Variants in HYDIN observed in about 807,000 individuals in gnomAD.
The protein encoded by HYDIN is HYDIN axonemal central pair apparatus protein, also known as axonemal central pair apparatus protein HYDIN.
HYDIN carries 132 observed loss-of-function variants against 403.9 expected under a neutral mutation model. The observed-to-expected ratio is 0.33, with a 90% confidence interval of 0.28 to 0.38. The LOEUF (loss-of-function observed/expected upper bound fraction) is 0.38. Ranked by LOEUF, HYDIN falls within the 10% of genes least tolerant of loss-of-function variation. HYDIN has a pLI of 1.00. For synonymous variants in HYDIN, 1,202 were observed against 1,891.7 expected (o/e 0.64, Z 9.46); for missense variants, 2,827 against 5,009.5 (o/e 0.56, Z 13.15).
At chr16:71,066,969 T>A (rs550440097) in intron 15 of HYDIN, 9 of 686,732 alleles carry the variant, frequency 1.3e-5, no homozygotes, top group Admixed American at 2.0e-5. Context: ...TGAGCAGCTC[T>A]TCACCTCTTC....
At chr16:70,892,717 A>G (rs1173887514) in intron 55 of HYDIN, among the ~76,000 whole-genome samples, 188 bp from the exon 56 acceptor site, 1 of 152,000 alleles carries the variant, frequency 6.6e-6, no homozygotes, top group African/African-American at 2.4e-5. Flanking sequence ...CAGGCTAGGA[A>G]TTGATGCTTA....
At chr16:71,040,813 T>C (rs2081263346) in intron 18 of HYDIN, among the ~76,000 whole-genome samples, 1 of 112,962 alleles carries the variant, frequency 8.9e-6, no homozygotes, top group Non-Finnish European at 1.9e-5. Context: ...CTTTCCCAAG[T>C]GTCCCAAGTG....
At chr16:70,997,223 C>T (rs1203557948) in intron 23 of HYDIN, among the ~76,000 whole-genome samples, 1 of 137,534 alleles carries the variant, frequency 7.3e-6, no homozygotes, top group Non-Finnish European at 1.6e-5. Context: ...ACAGATGAAG[C>T]TTCGCTTGCT....
chr16:70,822,485 A>T (rs1035410034), intron 83 of HYDIN, among the ~76,000 whole-genome samples: 2 of 152,206 alleles, frequency 1.3e-5, no homozygotes, highest in Non-Finnish European at 2.9e-5. Context: ...ACAACAAAGG[A>T]TTTAGAATAT....
rs779745251 is a variant in HYDIN, at chr16:70,938,727, T to C, written c.6882A>G (p.Lys2294=). The change falls in exon 44 of 86, where the codon AAA becomes AAG. Residue 2294 remains lysine (K), a synonymous_variant. Coordinates refer to ENST00000393567, the MANE Select transcript of HYDIN (RefSeq NM_001270974.2). ...CCATGTTTTGGAGACGCTCCTTCTC[T>C]TTCTCAAGAGCTCCCTTGTGCTTGC... ...EERKHKGALE[K]EKERLQNMDE... 6 of 1,614,056 alleles carry C rather than the reference T, an allele frequency of 3.7e-6. No homozygotes were observed. In the South Asian group the frequency reaches 5.5e-5, roughly 15 times the overall value.
At chr16:71,085,884 C>T (rs937871908) in intron 12 of HYDIN, among the ~76,000 whole-genome samples, 46 of 151,986 alleles carry the variant, frequency 3.0e-4, no homozygotes, top group Non-Finnish European at 5.9e-4. Context: ...CATATAGATA[C>T]AAGATAGATA....
intron 11 of HYDIN, among the ~76,000 whole-genome samples, chr16:71,089,603 G>A (rs1370765248): frequency 6.6e-6 from 1 of 152,198 alleles, no homozygotes; most frequent in Non-Finnish European, 1.5e-5. Flanking sequence ...GAGTAAGTCT[G>A]GAGCAAAGGT....
intron 18 of HYDIN, among the ~76,000 whole-genome samples, chr16:71,040,480 TC>T (rs2081250313): frequency 1.1e-5 from 1 of 88,662 alleles, no homozygotes; most frequent in African/African-American, 4.3e-5. Context: ...ATACCCCCCC[TC>T]CCCGCACCCC....
intron 42 of HYDIN, among the ~76,000 whole-genome samples, chr16:70,942,510 T>C (rs992691872): frequency 6.6e-6 from 1 of 152,218 alleles, no homozygotes; most frequent in African/African-American, 2.4e-5. Context: ...TGTATTTTTC[T>C]TATTAGTCTT....
At chr16:70,850,284 C>G (rs1279533683) in intron 74 of HYDIN, among the ~76,000 whole-genome samples, 164 bp downstream of exon 74, 1 of 147,622 alleles carries the variant, frequency 6.8e-6, no homozygotes, top group Non-Finnish European at 1.5e-5. Context: ...GCATTCACAT[C>G]ATATCTACAT....
In HYDIN at chr16:71,052,467, T is replaced by C. The variant is rs555716510; in HGVS notation, c.2529+8037A>G. Among the ~76,000 whole-genome samples the C allele has an allele frequency of 2.1e-4, 32 of 151,440 alleles. No individual in the cohort carries two copies. The South Asian group carries it at 6.1e-3, about 29-fold the overall frequency. ...AAAAATAGACTTTACTTGCATTAGATAAAAAAATAAACTTAGCTGGATTAA... is the reference window on the plus strand; with the variant it reads ...AAAAATAGACTTTACTTGCATTAGACAAAAAAATAAACTTAGCTGGATTAA... On this transcript the variant is annotated intron_variant, in intron 18 of 85. Transcript: ENST00000393567.
At chr16:71,212,877 C>T (rs1375999261) in intron 1 of HYDIN, among the ~76,000 whole-genome samples, 2 of 151,882 alleles carry the variant, frequency 1.3e-5, no homozygotes, top group Non-Finnish European at 2.9e-5. Flanking sequence ...GGGAAAAAGT[C>T]GTATCTAGAC....
chr16:71,105,353 T>C (rs1437013669), intron 10 of HYDIN, among the ~76,000 whole-genome samples: 1 of 151,206 alleles, frequency 6.6e-6, no homozygotes, highest in Admixed American at 6.6e-5. Flanking sequence ...AAATTTGAGA[T>C]AAGAGGAAAA....
chr16:70,951,071 C>T (rs1371585885), intron 41 of HYDIN, among the ~76,000 whole-genome samples: 1 of 152,002 alleles, frequency 6.6e-6, no homozygotes, highest in African/African-American at 2.4e-5. Context: ...CCCATCCCTA[C>T]AAAAATTTAA....
chr16:70,982,432 GAA>G (rs1454289716), intron 28 of HYDIN, among the ~76,000 whole-genome samples: 1 of 150,978 alleles, frequency 6.6e-6, no homozygotes, highest in Admixed American at 6.6e-5. Flanking sequence ...TCAGGAAATA[GAA>G]GAGAGAGAAA....
chr16:70,820,473 C>G (rs985194680), intron 83 of HYDIN, among the ~76,000 whole-genome samples: 15 of 151,556 alleles, frequency 9.9e-5, no homozygotes, highest in Non-Finnish European at 1.9e-4. Flanking sequence ...GCCACCGTGC[C>G]GGGCCTAAAG....
intron 84 of HYDIN, among the ~76,000 whole-genome samples, chr16:70,810,510 G>A (rs1217416902): frequency 3.3e-5 from 5 of 152,216 alleles, no homozygotes; most frequent in Non-Finnish European, 7.3e-5. Flanking sequence ...TCATTTCAGT[G>A]GAATATTGTG....
chr16:71,125,758 G>A (rs2084429014), intron 9 of HYDIN, among the ~76,000 whole-genome samples: 1 of 152,088 alleles, frequency 6.6e-6, no homozygotes, highest in South Asian at 2.1e-4. Context: ...TGATCAAAAA[G>A]CACTTTAGTG....
At chr16:70,905,727 TC>T (rs968066993) in intron 50 of HYDIN, among the ~76,000 whole-genome samples, 3 of 151,840 alleles carry the variant, frequency 2.0e-5, no homozygotes, top group Non-Finnish European at 2.9e-5. Context: ...ATAGTCACTG[TC>T]CTTCCCACAT....
Sources: allele counts gnomAD v4.1 joint callset (sites outside exome capture counted in the v4.1 genomes callset), GRCh38; gene constraint gnomAD v4.1.1; transcripts MANE v1.5; gene names NCBI Gene and HGNC (gene_info 2026-07-23, HGNC 2026-07-21).